Variants in PRLR observed in about 807,000 individuals in gnomAD.
PRLR encodes hPRL receptor.
PRLR carries 13 observed loss-of-function variants against 40.2 expected under a neutral mutation model. The observed-to-expected ratio is 0.32, with a 90% CI of 0.21 to 0.51. The LOEUF (loss-of-function observed/expected upper bound fraction) is 0.51, where lower values mean the gene tolerates loss of function less well. PRLR is among the 20% of genes least tolerant of loss of function. The pLI, the probability that PRLR is intolerant of heterozygous loss-of-function variation, is 0.97. For synonymous variants in PRLR, 269 were observed against 278.7 expected (o/e 0.97, Z 0.35); for missense variants, 656 against 747.3 (o/e 0.88, Z 1.42).
intron 9 of PRLR, among the ~76,000 whole-genome samples, chr5:35,066,358 A>G (rs1769369619): frequency 6.6e-6 from 1 of 152,142 alleles, no homozygotes; most frequent in African/African-American, 2.4e-5. Flanking sequence ...CAAGTAGTAT[A>G]TACACATACA....
At chr5:35,112,435 G>A (rs1243948761) in intron 2 of PRLR, among the ~76,000 whole-genome samples, 1 of 152,120 alleles carries the variant, frequency 6.6e-6, no homozygotes, top group Non-Finnish European at 1.5e-5. Flanking sequence ...CGGGGCTTCT[G>A]CTAGTCCTTG....
intron 1 of PRLR, among the ~76,000 whole-genome samples, chr5:35,151,565 C>A (rs1774341979): frequency 6.6e-6 from 1 of 152,102 alleles, no homozygotes; most frequent in African/African-American, 2.4e-5. Context: ...TGCTGCATGA[C>A]CACCAAGACT....
At chr5:35,191,702 A>G (rs915949690) in intron 1 of PRLR, among the ~76,000 whole-genome samples, 3 of 152,198 alleles carry the variant, frequency 2.0e-5, no homozygotes, top group African/African-American at 4.8e-5. Flanking sequence ...TTAGCACTCA[A>G]ATAACAGACA....
intron 1 of PRLR, among the ~76,000 whole-genome samples, chr5:35,175,010 C>T (rs1320348876): frequency 6.6e-6 from 1 of 152,142 alleles, no homozygotes; most frequent in Non-Finnish European, 1.5e-5. Context: ...TGTGACTTAG[C>T]AAATGAAATT....
In PRLR at chr5:35,089,540, C is replaced by T. The variant is rs745391189; in HGVS notation, c.70+11G>A. Reference sequence around the variant, plus strand: ...AGGCAATGAAAGAGAGCGTGATAGCCTCTTACTTACCATTCAGAAGGCAGG... The same window carrying T: ...AGGCAATGAAAGAGAGCGTGATAGCTTCTTACTTACCATTCAGAAGGCAGG... On this transcript the variant is annotated intron_variant, in intron 3 of 9. Coordinates refer to ENST00000618457, the MANE Select transcript of PRLR (RefSeq NM_000949.7). The T allele has an allele frequency of 1.3e-6, 2 of 1,587,932 alleles. No homozygotes were observed. Among genetic ancestry groups the T allele is most frequent in the South Asian group, 1.1e-5 (1 of 90,528 alleles).
At chr5:35,194,220 A>G (rs919239517) in intron 1 of PRLR, among the ~76,000 whole-genome samples, 5 of 152,186 alleles carry the variant, frequency 3.3e-5, no homozygotes, top group African/African-American at 9.7e-5. Context: ...ATAAATATTT[A>G]TTAGATGCCT....
At chr5:35,125,211 G>T (rs1773419260) in intron 1 of PRLR, among the ~76,000 whole-genome samples, 1 of 152,220 alleles carries the variant, frequency 6.6e-6, no homozygotes, top group Admixed American at 6.5e-5. Context: ...TTCCAGTCCA[G>T]TGAGTAACTT....
Position 35,063,503 on chromosome 5 carries a change from G to A in PRLR, c.*1586C>T, listed in dbSNP as rs1769165895. 1 of 152,166 alleles carries A rather than the reference G, an allele frequency of 6.6e-6. No individual in the cohort carries two copies. The highest frequency in any genetic ancestry group is 1.5e-5 in the Non-Finnish European group (1 of 68,032). The allele number at this position is 152,166 out of a possible 1,614,324, so 9.4% of individuals were successfully genotyped here. ...AGCTTTGACTTCTTTCAGGAAGCCTGGCACTGGAATTGACCGGGAGATTCT... is the reference window on the plus strand; with the variant it reads ...AGCTTTGACTTCTTTCAGGAAGCCTAGCACTGGAATTGACCGGGAGATTCT... On this transcript the variant is annotated 3_prime_UTR_variant, in exon 10 of 10. Transcript: ENST00000618457.
chr5:35,215,215 T>G (rs1308237827), intron 1 of PRLR, among the ~76,000 whole-genome samples: 1 of 152,184 alleles, frequency 6.6e-6, no homozygotes, highest in Non-Finnish European at 1.5e-5. Flanking sequence ...AGAAGGTAAA[T>G]TCTTTTATAA....
chr5:35,158,212 T>G (rs1419972053), intron 1 of PRLR, among the ~76,000 whole-genome samples: 1 of 152,214 alleles, frequency 6.6e-6, no homozygotes, highest in Non-Finnish European at 1.5e-5. Context: ...CACAGTCTAC[T>G]GAAATTGCTC....
chr5:35,158,809 C>T (rs1248675927), intron 1 of PRLR, among the ~76,000 whole-genome samples: 1 of 152,078 alleles, frequency 6.6e-6, no homozygotes, highest in African/African-American at 2.4e-5. Context: ...GTCTTTCATT[C>T]CACATGGAGA....
intron 1 of PRLR, among the ~76,000 whole-genome samples, chr5:35,172,959 A>G (rs749006524): frequency 1.3e-5 from 2 of 152,176 alleles, no homozygotes; most frequent in Non-Finnish European, 2.9e-5. Flanking sequence ...ATGGTTTCTG[A>G]TACTTAGGCT....
chr5:35,077,307 C>T (rs1770174557), intron 5 of PRLR, among the ~76,000 whole-genome samples: 1 of 152,082 alleles, frequency 6.6e-6, no homozygotes, highest in Admixed American at 6.6e-5. Context: ...ACCCATTTCC[C>T]ATGCAGAGAC....
chr5:35,151,635 C>T (rs528729931), intron 1 of PRLR, among the ~76,000 whole-genome samples: 1 of 152,192 alleles, frequency 6.6e-6, no homozygotes, highest in Admixed American at 6.5e-5. Context: ...ATTCTTTTCT[C>T]TGCATGCTCC....
chr5:35,112,362 A>G (rs962710164), intron 2 of PRLR, among the ~76,000 whole-genome samples: 2 of 152,170 alleles, frequency 1.3e-5, no homozygotes, highest in African/African-American at 4.8e-5. Context: ...CTTATTAAAA[A>G]GGCGTTTAAT....
At chr5:35,079,026 C>T (rs1040175372) in intron 5 of PRLR, among the ~76,000 whole-genome samples, 2 of 152,146 alleles carry the variant, frequency 1.3e-5, no homozygotes, top group African/African-American at 2.4e-5. Flanking sequence ...GCTAAAAACT[C>T]TCAATAAACT....
intron 1 of PRLR, among the ~76,000 whole-genome samples, chr5:35,173,792 TA>T (rs1462035226): frequency 1.3e-5 from 2 of 152,234 alleles, no homozygotes; most frequent in Non-Finnish European, 2.9e-5. Context: ...TGCATTCCTT[TA>T]AAGGGTAGTT....
intron 1 of PRLR, among the ~76,000 whole-genome samples, chr5:35,217,912 C>G (rs1306529503): frequency 2.6e-5 from 4 of 152,176 alleles, no homozygotes; most frequent in African/African-American, 7.2e-5. Flanking sequence ...CTTTAAATGA[C>G]TTGATTTTAG....
chr5:35,070,701 G>A (rs1769692136), intron 6 of PRLR, among the ~76,000 whole-genome samples: 1 of 151,908 alleles, frequency 6.6e-6, no homozygotes, highest in African/African-American at 2.4e-5. Flanking sequence ...AAATTAGCCA[G>A]GCATGGTGGC....
Sources: allele counts gnomAD v4.1 joint callset (sites outside exome capture counted in the v4.1 genomes callset), GRCh38; gene constraint gnomAD v4.1.1; transcripts MANE v1.5; gene names NCBI Gene and HGNC (gene_info 2026-07-23, HGNC 2026-07-21).